The following GRB10 variants were observed in gnomAD, a reference collection of about 807,000 sequenced individuals.
GRB10 encodes growth factor receptor bound protein 10.
In GRB10, 20 loss-of-function variants were observed where a neutral mutation model predicts 80.9. The observed-to-expected ratio is 0.25, with a 90% confidence interval of 0.17 to 0.36. The LOEUF is 0.36. Among genes scored for constraint, GRB10 ranks in the 10% least tolerant of loss-of-function variants. The pLI, the probability that GRB10 is intolerant of heterozygous loss-of-function variation, is 1.00. For synonymous variants in GRB10, 291 were observed against 291.5 expected (o/e 1.00, Z 0.02); for missense variants, 548 against 747.7 (o/e 0.73, Z 3.12).
chr7:50,631,882 A>G (rs939476812), intron 7 of GRB10, among the ~76,000 whole-genome samples: 5 of 152,156 alleles, frequency 3.3e-5, no homozygotes, highest in Admixed American at 1.3e-4. Context: ...GGTGGAAAGT[A>G]CTGGAGCCAG....
At chr7:50,633,574 T>C (rs1489605867) in intron 7 of GRB10, among the ~76,000 whole-genome samples, 8 of 151,806 alleles carry the variant, frequency 5.3e-5, no homozygotes, top group Admixed American at 3.9e-4. Flanking sequence ...AACTTTGAAA[T>C]GACAGATAAA....
At chr7:50,683,200 A>C (rs962488544) in intron 5 of GRB10, among the ~76,000 whole-genome samples, 4 of 152,212 alleles carry the variant, frequency 2.6e-5, no homozygotes, top group Admixed American at 6.5e-5. Flanking sequence ...TTGAGGACAT[A>C]ATAAGCCAGT....
intron 18 of GRB10, among the ~76,000 whole-genome samples, chr7:50,595,072 C>T (rs1436725377): frequency 2.0e-5 from 3 of 152,122 alleles, no homozygotes; most frequent in Non-Finnish European, 4.4e-5. Flanking sequence ...CCTCCACCTC[C>T]CCTTCCTGTG....
intron 5 of GRB10, among the ~76,000 whole-genome samples, chr7:50,684,196 A>T (rs1196166690): frequency 6.6e-6 from 1 of 151,252 alleles, no homozygotes; most frequent in Non-Finnish European, 1.5e-5. Context: ...AGCAAAGGCT[A>T]AAGTCTAGGA....
At chr7:50,772,721 C>T (rs961876159) in intron 2 of GRB10, among the ~76,000 whole-genome samples, 4 of 152,182 alleles carry the variant, frequency 2.6e-5, no homozygotes, top group African/African-American at 9.7e-5. Flanking sequence ...AGATATGACA[C>T]CAACAGCACA....
At position 50,675,728 on chromosome 7, in the gene GRB10, G is replaced by A. The variant is rs141967997; in HGVS notation, c.140-1070C>T. On this transcript the variant is annotated intron_variant, in intron 5 of 18. Transcript: ENST00000401949. ...ATGAGCCAATTCCTAAAACACATGTGTCTCTCTCTGTATACAGCCTATTTA... is the reference window on the plus strand; with the variant it reads ...ATGAGCCAATTCCTAAAACACATGTATCTCTCTCTGTATACAGCCTATTTA... Among the ~76,000 whole-genome samples, 392 of 152,098 alleles carry A rather than the reference G, an allele frequency of 2.6e-3. 1 individual carries two copies. The highest frequency in any genetic ancestry group is 7.8e-3 in the African/African-American group (324 of 41,486).
At chr7:50,655,833 C>T (rs1255563189) in intron 7 of GRB10, among the ~76,000 whole-genome samples, 1 of 152,230 alleles carries the variant, frequency 6.6e-6, no homozygotes, top group Admixed American at 6.5e-5. Context: ...CTCAACTGTC[C>T]TCATTCCCTC....
At chr7:50,769,132 G>T (rs890859883) in intron 2 of GRB10, among the ~76,000 whole-genome samples, 3 of 152,170 alleles carry the variant, frequency 2.0e-5, no homozygotes, top group Non-Finnish European at 4.4e-5. Flanking sequence ...TCTAATCAAA[G>T]CTAATTCAAA....
intron 2 of GRB10, among the ~76,000 whole-genome samples, chr7:50,768,255 G>C (rs1447150489): frequency 6.6e-6 from 1 of 152,160 alleles, no homozygotes; most frequent in Non-Finnish European, 1.5e-5. Flanking sequence ...CTGTAATTTG[G>C]CAAATAATTT....
At chr7:50,620,738 G>A (rs967585572) in intron 8 of GRB10, among the ~76,000 whole-genome samples, 3 of 152,114 alleles carry the variant, frequency 2.0e-5, no homozygotes, top group Non-Finnish European at 2.9e-5. Context: ...GTCTCCCCAT[G>A]ATAGAAAAAG....
At chr7:50,635,962 CTTTTTTTTTTTTTT>C (rs56411780) in intron 7 of GRB10, among the ~76,000 whole-genome samples, 6 of 71,012 alleles carry the variant, frequency 8.4e-5, no homozygotes, top group African/African-American at 2.0e-4. Context: ...TTTTCCTTTC[CTTTTTTTTTTTTTT>C]TTTTTTTTTT....
intron 7 of GRB10, among the ~76,000 whole-genome samples, chr7:50,643,758 T>C (rs2056701121): frequency 6.6e-6 from 1 of 152,210 alleles, no homozygotes; most frequent in Non-Finnish European, 1.5e-5. Flanking sequence ...TCATGGTGTG[T>C]GTACATATAA....
At chr7:50,645,318 A>G (rs1390076727) in intron 7 of GRB10, among the ~76,000 whole-genome samples, 1 of 152,226 alleles carries the variant, frequency 6.6e-6, no homozygotes, top group Non-Finnish European at 1.5e-5. Flanking sequence ...TTGAAAAAGC[A>G]GAACACACTC....
In GRB10 at chr7:50,604,419, G is replaced by C. The variant is rs1330290601; in HGVS notation, c.1390-42C>G. 4.0e-6 allele frequency: 6 copies of C among 1,509,554 alleles called. No individual in the cohort carries two copies. The African/African-American group carries it at 8.2e-5, about 21-fold the overall frequency. The allele number at this position is 1,509,554 out of a possible 1,614,324, so 93.5% of individuals were successfully genotyped here. A position where few individuals can be genotyped will look rare whatever the true frequency, so the allele number is the denominator to read the frequency against. Reference sequence around the variant, plus strand: ...ACATTAGCACCGAGGACAGCAGACAGACACACCAAGTCACCCAATATGTCC... The same window carrying C: ...ACATTAGCACCGAGGACAGCAGACACACACACCAAGTCACCCAATATGTCC... On this transcript the variant is annotated intron_variant, in intron 15 of 18. Coordinates refer to ENST00000401949, the MANE Select transcript of GRB10 (RefSeq NM_001350814.2).
rs185341382 is a variant in GRB10, at chr7:50,594,626, T to A, written c.1638+811A>T. Reference sequence around the variant, plus strand: ...CAAACATTATCATTACCTGCAGAATTTATCAATTCAGCATGTAAACAGCTG... The same window carrying A: ...CAAACATTATCATTACCTGCAGAATATATCAATTCAGCATGTAAACAGCTG... On this transcript the variant is annotated intron_variant, in intron 18 of 18. Transcript: ENST00000401949. 4.6e-4 allele frequency among the ~76,000 whole-genome samples: 70 copies of A among 152,322 alleles called. No individual in the cohort carries two copies. In the East Asian group the frequency reaches 0.012, roughly 26 times the overall value.
chr7:50,675,297 C>T (rs1366834570), intron 5 of GRB10, among the ~76,000 whole-genome samples: 1 of 152,156 alleles, frequency 6.6e-6, no homozygotes, highest in Non-Finnish European at 1.5e-5. Flanking sequence ...GGGGCAGATG[C>T]AGAGAGAGAA....
chr7:50,734,164 T>C (rs548892852), intron 3 of GRB10, among the ~76,000 whole-genome samples: 9 of 152,150 alleles, frequency 5.9e-5, no homozygotes, highest in Non-Finnish European at 1.0e-4. Flanking sequence ...CCCCAAATCA[T>C]TTGCTGCCAG....
chr7:50,591,998 G>A lies in GRB10; in HGVS notation c.*954C>T, dbSNP rs150314205. The A allele has an allele frequency of 1.3e-5, 2 of 152,340 alleles. No individual in the cohort carries two copies. The highest frequency in any genetic ancestry group is 2.1e-4 in the South Asian group (1 of 4,830). 9.4% of individuals were successfully genotyped at this position (152,340 alleles called of 1,614,324 possible). A position where few individuals can be genotyped will look rare whatever the true frequency, so the allele number is the denominator to read the frequency against. ...CAGCAGCAGGGGTAAGGCAGTGATC[G>A]TTCTAGAACAGGCTGAAGGCTGTGG... On this transcript the variant is annotated 3_prime_UTR_variant, in exon 19 of 19. Transcript: ENST00000401949.
chr7:50,765,894 G>T lies in GRB10; in HGVS notation c.-216-9838C>A, dbSNP rs190081040. ...GTGGGTATATTAAGTACACTGATTTGACCTTTACAAATTACATGCATGCAT... is the reference window on the plus strand; with the variant it reads ...GTGGGTATATTAAGTACACTGATTTTACCTTTACAAATTACATGCATGCAT... On this transcript the variant is annotated intron_variant, in intron 2 of 18. Transcript: ENST00000401949. 2.5e-3 allele frequency among the ~76,000 whole-genome samples: 374 copies of T among 152,256 alleles called. 7 individuals are homozygous for T. Among genetic ancestry groups the T allele is most frequent in the Non-Finnish European group, 2.6e-3 (175 of 68,030 alleles).
Sources: allele counts gnomAD v4.1 joint callset (sites outside exome capture counted in the v4.1 genomes callset), GRCh38; gene constraint gnomAD v4.1.1; transcripts MANE v1.5; gene names NCBI Gene and HGNC (gene_info 2026-07-23, HGNC 2026-07-21).